PAK5: variants seen among roughly 807,000 people sequenced by gnomAD.
The protein encoded by PAK5 is p21 (RAC1) activated kinase 5, also known as serine/threonine-protein kinase PAK 5.
Under a neutral mutation model 65.9 loss-of-function variants are expected in PAK5, and 16 were observed. The ratio of observed to expected loss-of-function variants is 0.24; its 90% CI spans 0.16 to 0.37. The LOEUF (loss-of-function observed/expected upper bound fraction) is 0.37. Ranked by LOEUF, PAK5 falls within the 10% of genes least tolerant of loss-of-function variation. The probability of loss-of-function intolerance (pLI) is 1.00; values close to 1 mark genes in which losing one functional copy is unlikely to be tolerated. For missense variants in PAK5, 785 were observed against 903.9 expected (o/e 0.87, Z 1.69); for synonymous variants, 371 against 354.9 (o/e 1.05, Z -0.51).
At chr20:9,794,213 G>A (rs377659093) in intron 1 of PAK5, among the ~76,000 whole-genome samples, 15 of 152,012 alleles carry the variant, frequency 9.9e-5, no homozygotes, top group African/African-American at 3.6e-4. Flanking sequence ...CATTAGAACA[G>A]ATACCTAATG....
intron 6 of PAK5, among the ~76,000 whole-genome samples, chr20:9,559,723 T>A (rs1367981883): frequency 6.6e-6 from 1 of 151,928 alleles, no homozygotes; most frequent in East Asian, 1.9e-4. Flanking sequence ...AGATAGCGCC[T>A]CTGCATTCCA....
intron 2 of PAK5, among the ~76,000 whole-genome samples, chr20:9,704,758 G>A (rs146710578): frequency 6.6e-6 from 1 of 152,292 alleles, no homozygotes; most frequent in African/African-American, 2.4e-5. Context: ...GCAAGACAAA[G>A]TGAGACGTTA....
chr20:9,763,908 T>C (rs1448745469), intron 1 of PAK5, among the ~76,000 whole-genome samples: 1 of 152,126 alleles, frequency 6.6e-6, no homozygotes, highest in East Asian at 1.9e-4. Flanking sequence ...GCGTATCCTT[T>C]TTTTCTGAAT....
At chr20:9,644,387 A>G in intron 2 of PAK5, 48 bp from the exon 3 acceptor site, 2 of 1,249,496 alleles carry the variant, frequency 1.6e-6, no homozygotes, top group East Asian at 2.3e-5. Flanking sequence ...TCTTGCCAGC[A>G]GAAGACCAGG....
At chr20:9,731,701 T>C (rs1025903217) in intron 1 of PAK5, among the ~76,000 whole-genome samples, 1 of 152,212 alleles carries the variant, frequency 6.6e-6, no homozygotes, top group Non-Finnish European at 1.5e-5. Flanking sequence ...TTTTAAAATA[T>C]GCCTGTTCTA....
intron 1 of PAK5, among the ~76,000 whole-genome samples, chr20:9,769,707 CA>C (rs1365278762): frequency 6.6e-6 from 1 of 152,176 alleles, no homozygotes; most frequent in African/African-American, 2.4e-5. Context: ...AGGTAGAGAG[CA>C]AATTGAAATG....
intron 2 of PAK5, among the ~76,000 whole-genome samples, chr20:9,694,845 C>T (rs2047846935): frequency 6.6e-6 from 1 of 151,916 alleles, no homozygotes. Context: ...AAAAATAATG[C>T]TGCCTGAATG....
At position 9,832,077 on chromosome 20, in the gene PAK5, C is replaced by T. The variant is rs115937971; in HGVS notation, c.-162+6685G>A. Among the ~76,000 whole-genome samples, 725 of 151,842 alleles carry T rather than the reference C, an allele frequency of 4.8e-3. 7 individuals are homozygous for T. The highest frequency in any genetic ancestry group is 0.016 in the African/African-American group (665 of 41,402). On this transcript the variant is annotated intron_variant, in intron 1 of 9. Transcript: ENST00000353224. ...TAATACCTATATAATAGTCTGTTATCTTGGGACCTTAAATACCTTTACCAA... is the reference window on the plus strand; with the variant it reads ...TAATACCTATATAATAGTCTGTTATTTTGGGACCTTAAATACCTTTACCAA...
chr20:9,766,522 AAT>A (rs74209304), intron 1 of PAK5, among the ~76,000 whole-genome samples: 356 of 34,736 alleles, frequency 0.01, 75 homozygotes, highest in Middle Eastern at 0.026. Context: ...ATTCAAGCAG[AAT>A]ATATATATAT....
intron 2 of PAK5, among the ~76,000 whole-genome samples, chr20:9,697,864 C>T (rs1405459709): frequency 1.3e-5 from 2 of 152,048 alleles, no homozygotes; most frequent in African/African-American, 4.8e-5. Flanking sequence ...ACTCTCAAAC[C>T]AGTCTTGGTT....
At chr20:9,575,774 C>A (rs532620950) in intron 4 of PAK5, 1 of 152,176 alleles carries the variant, frequency 6.6e-6, no homozygotes, top group African/African-American at 2.4e-5. Context: ...GTGTCTGGGC[C>A]TGGAGACTTC....
chr20:9,786,334 A>C (rs1182344353), intron 1 of PAK5, among the ~76,000 whole-genome samples: 1 of 152,048 alleles, frequency 6.6e-6, no homozygotes, highest in Non-Finnish European at 1.5e-5. Context: ...GCCCCCAGGA[A>C]GTGCTCAACA....
At chr20:9,544,637 A>T in intron 7 of PAK5, 143 bp from the exon 8 acceptor site, 1 of 713,888 alleles carries the variant, frequency 1.4e-6, no homozygotes. Context: ...GGACTGTCAG[A>T]CCCTTTTATT....
At chr20:9,717,177 A>G (rs530363398) in intron 1 of PAK5, among the ~76,000 whole-genome samples, 1 of 152,286 alleles carries the variant, frequency 6.6e-6, no homozygotes, top group African/African-American at 2.4e-5. Flanking sequence ...TTGATAATGC[A>G]TATTTTAACA....
rs112212824 is a variant in PAK5, at chr20:9,621,532, A to AT, written c.204+22592_204+22593insA. Reference sequence around the variant, plus strand: ...TAATGGGCTGATTTGAAAAAAAAAAAAAAAAATACTTATGTAGGCATATCC... The same window carrying AT: ...TAATGGGCTGATTTGAAAAAAAAAAATAAAAAATACTTATGTAGGCATATCC... On this transcript the variant is annotated intron_variant, in intron 3 of 9. Transcript: ENST00000353224. 7.1e-3 allele frequency among the ~76,000 whole-genome samples: 1,061 copies of AT among 150,310 alleles called. 11 individuals are homozygous for AT. Among genetic ancestry groups the AT allele is most frequent in the African/African-American group, 0.015 (620 of 40,910 alleles).
At position 9,664,742 on chromosome 20, in the gene PAK5, T is replaced by C. The variant is rs111524562; in HGVS notation, c.-11-20403A>G. Among the ~76,000 whole-genome samples the C allele has an allele frequency of 5.8e-4, 89 of 152,272 alleles. 1 individual carries two copies. Among genetic ancestry groups the C allele is most frequent in the Middle Eastern group, 3.4e-3 (1 of 294 alleles). ...TGATAGTTATTGTTTTAAAAAATGG[T>C]TCATAGCCTTCAGCTTCATGTTACA... On this transcript the variant is annotated intron_variant, in intron 2 of 9. Coordinates refer to ENST00000353224, the MANE Select transcript of PAK5 (RefSeq NM_177990.4).
chr20:9,717,581 C>A (rs1381368385), intron 1 of PAK5, among the ~76,000 whole-genome samples: 1 of 152,160 alleles, frequency 6.6e-6, no homozygotes, highest in East Asian at 1.9e-4. Flanking sequence ...ACTAAGTTTT[C>A]ACATAAGTTT....
chr20:9,575,287 T>C (rs552639191), intron 4 of PAK5, among the ~76,000 whole-genome samples: 1 of 152,284 alleles, frequency 6.6e-6, no homozygotes, highest in Admixed American at 6.5e-5. Flanking sequence ...CTTGAACTCC[T>C]GGGCTCAAAG....
At chr20:9,770,862 C>G (rs1428262817) in intron 1 of PAK5, among the ~76,000 whole-genome samples, 1 of 152,028 alleles carries the variant, frequency 6.6e-6, no homozygotes, top group Admixed American at 6.6e-5. Flanking sequence ...ATCAAGTTGT[C>G]AAGGATAGAT....
Sources: gnomAD v4.1 joint callset for allele counts (sites outside exome capture counted in the v4.1 genomes callset) on GRCh38, gnomAD v4.1.1 for gene constraint, MANE v1.5 for transcripts, NCBI Gene and HGNC (gene_info 2026-07-23, HGNC 2026-07-21) for gene names.